The following SIPA1L3 variants were observed in gnomAD, a reference collection of about 807,000 sequenced individuals.
SIPA1L3 encodes signal-induced proliferation-associated 1-like protein 3.
SIPA1L3 carries 59 observed loss-of-function variants against 150.1 expected under a neutral mutation model. The observed-to-expected ratio is 0.39, with a 90% CI of 0.32 to 0.49. SIPA1L3 has a LOEUF of 0.49. Ranked by LOEUF, SIPA1L3 falls within the 20% of genes least tolerant of loss-of-function variation. The pLI is 0.86. For missense variants in SIPA1L3, 2,211 were observed against 2,489.5 expected, an observed-to-expected ratio of 0.89 and a Z score of 2.38; for synonymous variants, 1,070 against 1,077.6, an observed-to-expected ratio of 0.99 and a Z score of 0.14.
intron 1 of SIPA1L3, among the ~76,000 whole-genome samples, chr19:37,971,778 G>T (rs570856128): frequency 2.0e-5 from 3 of 151,974 alleles, no homozygotes; most frequent in African/African-American, 7.3e-5. Context: ...TGTTGCCCAG[G>T]TTGGTCTCGA....
chr19:38,170,068 G>A (rs1160454972), intron 15 of SIPA1L3, among the ~76,000 whole-genome samples: 2 of 152,218 alleles, frequency 1.3e-5, no homozygotes, highest in East Asian at 3.9e-4. Context: ...GAGGGGTACA[G>A]GGATGTGAGA....
chr19:38,021,131 G>A (rs1391097203), intron 1 of SIPA1L3, among the ~76,000 whole-genome samples: 1 of 152,138 alleles, frequency 6.6e-6, no homozygotes, highest in Non-Finnish European at 1.5e-5. Context: ...ACCCCTTCAG[G>A]TCCATGTTGG....
At chr19:38,119,125 G>A (rs1416772019) in intron 8 of SIPA1L3, among the ~76,000 whole-genome samples, 181 bp from the exon 9 acceptor site, 1 of 152,164 alleles carries the variant, frequency 6.6e-6, no homozygotes, top group African/African-American at 2.4e-5. Context: ...GAGGACAGGA[G>A]GTCAAAGCTG....
chr19:38,205,591 AC>A (rs1482784535), intron 21 of SIPA1L3, among the ~76,000 whole-genome samples: 1 of 151,802 alleles, frequency 6.6e-6, no homozygotes, highest in Non-Finnish European at 1.5e-5. Flanking sequence ...CCAGGTTCTG[AC>A]CCCCGCCCCA....
intron 10 of SIPA1L3, 28 bp downstream of exon 10, chr19:38,130,800 G>GGT: frequency 6.4e-7 from 1 of 1,571,078 alleles, no homozygotes; most frequent in South Asian, 1.2e-5. Flanking sequence ...TCAGCCAGGT[G>GGT]GTGGGTGGCA....
At chr19:38,095,044 C>T (rs73630889) in intron 4 of SIPA1L3, among the ~76,000 whole-genome samples, 2,648 of 152,270 alleles carry the variant, frequency 0.017, 84 homozygotes, top group African/African-American at 0.06. Context: ...CATTGCATTC[C>T]AGCCTGGGCG....
chr19:37,962,316 G>C (rs1002577402), intron 1 of SIPA1L3, among the ~76,000 whole-genome samples: 13 of 151,654 alleles, frequency 8.6e-5, no homozygotes, highest in Non-Finnish European at 1.5e-5. Flanking sequence ...GCTGATTTTT[G>C]TATTTTTACT....
intron 1 of SIPA1L3, among the ~76,000 whole-genome samples, chr19:38,026,691 G>T (rs1337330848): frequency 1.3e-5 from 2 of 152,108 alleles, no homozygotes; most frequent in African/African-American, 4.8e-5. Context: ...TTCGGGTCTC[G>T]TTGAGGGGTT....
chr19:37,989,769 G>A (rs886958735), intron 1 of SIPA1L3, among the ~76,000 whole-genome samples: 1 of 151,034 alleles, frequency 6.6e-6, no homozygotes, highest in African/African-American at 2.4e-5. Flanking sequence ...GGGTTCAAGC[G>A]ATTCTCCTGC....
In SIPA1L3 at chr19:38,162,174, G is replaced by T. The variant is rs1972103304; in HGVS notation, c.3662-79G>T. 5 of 1,098,668 alleles carry T rather than the reference G, an allele frequency of 4.6e-6. No individual in the cohort carries two copies. In the South Asian group the frequency reaches 6.3e-5, roughly 14 times the overall value. 68.1% of individuals were successfully genotyped at this position (1,098,668 alleles called of 1,614,324 possible). A position where few individuals can be genotyped will look rare whatever the true frequency, so the allele number is the denominator to read the frequency against. On this transcript the variant is annotated intron_variant, in intron 13 of 21. Transcript: ENST00000222345. Reference sequence around the variant, plus strand: ...GGGTCATGCCGTGGGTGAGCAGACAGTCTGGCAAAGGGTCCAGATTCTTCA... The same window carrying T: ...GGGTCATGCCGTGGGTGAGCAGACATTCTGGCAAAGGGTCCAGATTCTTCA...
Position 38,193,642 on chromosome 19 carries a change from C to T in SIPA1L3, c.4702C>T (p.Pro1568Ser). The change falls in exon 18 of 22, where the codon CCC becomes TCC. Residue 1568 changes from proline (P) to serine (S), a missense_variant. Around this residue, in one of 5 missense-constraint regions of SIPA1L3, gnomAD observed 806 missense variants for 870.1 expected, o/e 0.93. Transcript: ENST00000222345. ...ASPAGLEPGL[P>S]SDVLFTSTCA... ...CCCCGCTGGCCTAGAGCCAGGGCTG[C>T]CCAGCGACGTGCTCTTCACCAGCAC... The T allele has an allele frequency of 6.3e-7, 1 of 1,579,430 alleles. No individual in the cohort carries two copies.
At chr19:37,993,401 G>A (rs1307866109) in intron 1 of SIPA1L3, among the ~76,000 whole-genome samples, 1 of 151,958 alleles carries the variant, frequency 6.6e-6, no homozygotes, top group East Asian at 1.9e-4. Flanking sequence ...GCGCGATCTC[G>A]GCTCACTGCA....
At position 38,164,390 on chromosome 19, in the gene SIPA1L3, G is replaced by A. The variant is rs1972158634; in HGVS notation, c.3781-89G>A. The A allele has an allele frequency of 3.9e-6, 5 of 1,281,488 alleles. No individual in the cohort carries two copies. Among genetic ancestry groups the A allele is most frequent in the Non-Finnish European group, 4.4e-6 (4 of 910,550 alleles). The allele number at this position is 1,281,488 out of a possible 1,614,324, so 79.4% of individuals were successfully genotyped here. On this transcript the variant is annotated intron_variant, in intron 14 of 21. Transcript: ENST00000222345. This position sits in a 1 kb window ranked among gnomAD's most constrained non-coding sequence, Gnocchi z 4.1. ...GGATTTGAAGCTGTCTGGTCCCAGG[G>A]TTCAGGCCCAGGCAGAGGGAGGACC...
intron 1 of SIPA1L3, among the ~76,000 whole-genome samples, chr19:37,944,016 C>T (rs2046686475): frequency 6.6e-6 from 1 of 152,162 alleles, no homozygotes; most frequent in Non-Finnish European, 1.5e-5. Flanking sequence ...GCCGGACACG[C>T]CTGTAATCCC....
At chr19:38,175,100 G>A (rs146685852) in intron 15 of SIPA1L3, among the ~76,000 whole-genome samples, 1 of 151,922 alleles carries the variant, frequency 6.6e-6, no homozygotes, top group Non-Finnish European at 1.5e-5. Context: ...ACATCATTTC[G>A]GGCAAGTTAT....
At chr19:38,102,592 G>GAAAAAAAA (rs71179412) in intron 6 of SIPA1L3, among the ~76,000 whole-genome samples, 1 of 66,876 alleles carries the variant, frequency 1.5e-5, no homozygotes, top group Admixed American at 1.5e-4. Context: ...CCCTGTCTCT[G>GAAAAAAAA]AAAAAAAAAA....
At chr19:37,962,753 G>C (rs2145576604) in intron 1 of SIPA1L3, among the ~76,000 whole-genome samples, 1 of 152,178 alleles carries the variant, frequency 6.6e-6, no homozygotes, top group South Asian at 2.1e-4. Context: ...TGGCTTTCCA[G>C]AGTGTTGGGA....
At chr19:38,148,742 C>G (rs779831109) in intron 12 of SIPA1L3, among the ~76,000 whole-genome samples, 1 of 152,184 alleles carries the variant, frequency 6.6e-6, no homozygotes, top group Non-Finnish European at 1.5e-5. Context: ...GTAGCCCAAC[C>G]CTGCTCCCCG....
intron 1 of SIPA1L3, among the ~76,000 whole-genome samples, chr19:37,936,037 T>A (rs1347429077): frequency 3.3e-5 from 5 of 152,084 alleles, no homozygotes; most frequent in African/African-American, 1.2e-4. Flanking sequence ...CTCATATTCA[T>A]AAAATGGTTG....
Sources: gnomAD v4.1 joint callset for allele counts (sites outside exome capture counted in the v4.1 genomes callset) on GRCh38, gnomAD v4.1.1 for gene constraint, gnomAD v4.1.1 regional missense constraint, Gnocchi (gnomAD v3.1) non-coding constraint, MANE v1.5 for transcripts, NCBI Gene and HGNC (gene_info 2026-07-23, HGNC 2026-07-21) for gene names.